The following USP46 variants were observed in gnomAD, a reference collection of about 807,000 sequenced individuals.
The protein encoded by USP46 is ubiquitin carboxyl-terminal hydrolase 46.
Under a neutral mutation model 44.4 loss-of-function variants are expected in USP46, and 12 were observed. The observed-to-expected ratio is 0.27, with a 90% CI of 0.17 to 0.44. USP46 has a LOEUF of 0.44. Ranked by LOEUF, USP46 falls within the 20% of genes least tolerant of loss-of-function variation. The pLI, the probability that USP46 is intolerant of heterozygous loss-of-function variation, is 1.00. For missense variants in USP46, 248 were observed against 444.8 expected, an observed-to-expected ratio of 0.56 and a Z score of 3.98; for synonymous variants, 155 against 161.5, an observed-to-expected ratio of 0.96 and a Z score of 0.31.
chr4:52,625,143 T>G (rs1167340375), intron 4 of USP46, among the ~76,000 whole-genome samples: 1 of 152,134 alleles, frequency 6.6e-6, no homozygotes, highest in Admixed American at 6.5e-5. Flanking sequence ...CAGTAGTAGT[T>G]ATAATAAAAA....
intron 2 of USP46, among the ~76,000 whole-genome samples, chr4:52,628,725 A>G (rs978440896): frequency 2.0e-5 from 3 of 152,204 alleles, no homozygotes; most frequent in African/African-American, 7.2e-5. Flanking sequence ...CTTAACCCCG[A>G]GCAACACAGC....
In USP46 at chr4:52,598,636, T is replaced by C. The variant is rs1225603244; in HGVS notation, c.991A>G (p.Ile331Val). ...HGFWLLFDDD[I>V]VEKIDAQAIE... ...ATAATCTGCAAACCAACCTCTACAA[T>C]GTCATCATCAAACAAAAGCCAGAAG... The change falls in exon 8 of 9, where the codon ATT (isoleucine) becomes GTT (valine). Residue 331 changes from isoleucine to valine, a missense_variant. By Grantham distance (29) the Ile-to-Val change is conservative. Coordinates refer to ENST00000441222, the MANE Select transcript of USP46 (RefSeq NM_022832.4). 1 of 1,609,678 alleles carries C rather than the reference T, an allele frequency of 6.2e-7. No homozygotes were observed. Among genetic ancestry groups the C allele is most frequent in the Non-Finnish European group, 8.5e-7 (1 of 1,178,226 alleles).
intron 1 of USP46, among the ~76,000 whole-genome samples, chr4:52,649,612 C>G (rs1230912365): frequency 2.0e-5 from 3 of 152,214 alleles, no homozygotes; most frequent in Non-Finnish European, 4.4e-5. Context: ...ATTGACATTT[C>G]AACTAGACCT....
intron 1 of USP46, chr4:52,658,423 A>G: frequency 2.8e-6 from 1 of 361,572 alleles, no homozygotes; most frequent in South Asian, 2.0e-5. Flanking sequence ...CGGATCAGGC[A>G]GGATAACCCT....
chr4:52,644,753 A>C (rs1718478532), intron 1 of USP46, among the ~76,000 whole-genome samples: 4 of 151,640 alleles, frequency 2.6e-5, no homozygotes, highest in African/African-American at 7.3e-5. Flanking sequence ...AAAAAAAAAA[A>C]AAAAACCTCT....
chr4:52,640,882 T>C (rs540234768), intron 1 of USP46, among the ~76,000 whole-genome samples: 125 of 150,474 alleles, frequency 8.3e-4, no homozygotes, highest in African/African-American at 2.9e-3. Flanking sequence ...GCAAACCAGT[T>C]GCCTAAGGCC....
chr4:52,655,670 C>T lies in USP46; in HGVS notation c.36+3445G>A, dbSNP rs550596382. On this transcript the variant is annotated intron_variant, in intron 1 of 8. Coordinates refer to ENST00000441222, the MANE Select transcript of USP46 (RefSeq NM_022832.4). ...TATCAACAGAAGACATTTCCTCATG[C>T]TTGGTAGCAGCTAGTGCATTATGAA... Among the ~76,000 whole-genome samples, 34 of 152,330 alleles carry T rather than the reference C, an allele frequency of 2.2e-4. No homozygotes were observed. The South Asian group carries it at 2.7e-3, about 12-fold the overall frequency.
At position 52,597,668 on chromosome 4, in the gene USP46, T is replaced by C; in HGVS notation, c.1073A>G (p.Tyr358Cys). The change falls in exon 9 of 9, where the codon TAT becomes TGT. Residue 358 changes from tyrosine to cysteine, a missense_variant. Physicochemically the swap from Tyr to Cys is radical, Grantham distance 194. Transcript: ENST00000441222. ...CTCTCTTGACTGATAGAATAAAATA[T>C]ATCCAGATTCTGAATTTTTTGATAT... The part of the protein sequence containing the change: ...SDISKNSESG[Y>C]ILFYQSRE 1 of 1,596,414 alleles carries C rather than the reference T, an allele frequency of 6.3e-7. No individual in the cohort carries two copies. Among genetic ancestry groups the C allele is most frequent in the Non-Finnish European group, 8.5e-7 (1 of 1,170,390 alleles).
Position 52,631,159 on chromosome 4 carries a change from T to C in USP46, c.37-15A>G. The C allele has an allele frequency of 1.3e-6, 2 of 1,546,246 alleles. No homozygotes were observed. Among genetic ancestry groups the C allele is most frequent in the Non-Finnish European group, 1.7e-6 (2 of 1,143,286 alleles). On this transcript the variant is annotated splice_polypyrimidine_tract_variant and intron_variant, in intron 1 of 8. Transcript: ENST00000441222. ...GCATTGGTGCCCTAAAAGAGAAAAA[T>C]AGCAAAAGTTCTGTTGCATGTAAAA...
chr4:52,627,412 CAGA>C (rs376653639), intron 3 of USP46, among the ~76,000 whole-genome samples: 66 of 152,224 alleles, frequency 4.3e-4, no homozygotes, highest in East Asian at 2.1e-3. Flanking sequence ...ACCAATCCCC[CAGA>C]AGAAGAAGAT....
intron 2 of USP46, 108 bp from the exon 3 acceptor site, chr4:52,628,271 T>C: frequency 9.3e-7 from 1 of 1,073,472 alleles, no homozygotes; most frequent in Non-Finnish European, 1.3e-6. Flanking sequence ...GGCCTGGATG[T>C]CCCTGTATTG....
At chr4:52,621,680 C>G (rs1717381517) in intron 4 of USP46, among the ~76,000 whole-genome samples, 1 of 151,750 alleles carries the variant, frequency 6.6e-6, no homozygotes, top group Non-Finnish European at 1.5e-5. Context: ...AAAAAAACCT[C>G]TACTAATGTA....
chr4:52,612,413 CTT>C (rs1170333000), intron 4 of USP46, among the ~76,000 whole-genome samples: 1 of 152,218 alleles, frequency 6.6e-6, no homozygotes, highest in African/African-American at 2.4e-5. Flanking sequence ...TGTCATATGG[CTT>C]CACAGATACT....
At chr4:52,654,337 A>G (rs1331046360) in intron 1 of USP46, among the ~76,000 whole-genome samples, 1 of 152,204 alleles carries the variant, frequency 6.6e-6, no homozygotes, top group Admixed American at 6.5e-5. Flanking sequence ...ACAGAGGAAA[A>G]GGCAAGATAT....
chr4:52,637,927 G>T (rs972782572), intron 1 of USP46, among the ~76,000 whole-genome samples: 3 of 151,906 alleles, frequency 2.0e-5, no homozygotes, highest in Non-Finnish European at 4.4e-5. Context: ...TTCTTCAGAC[G>T]CCTGTGTCCC....
intron 1 of USP46, among the ~76,000 whole-genome samples, chr4:52,647,268 A>G (rs1268531782): frequency 6.6e-6 from 1 of 152,214 alleles, no homozygotes; most frequent in Non-Finnish European, 1.5e-5. Flanking sequence ...AAACTAAGAG[A>G]GAAATATAAA....
At chr4:52,632,972 G>GA (rs1289395281) in intron 1 of USP46, among the ~76,000 whole-genome samples, 215 of 73,734 alleles carry the variant, frequency 2.9e-3, no homozygotes, top group African/African-American at 0.013. Flanking sequence ...AAGAAAGAAA[G>GA]AAAGAAAGAA....
chr4:52,601,973 G>A lies in USP46; in HGVS notation c.804C>T (p.Thr268=). 1.2e-6 allele frequency: 2 copies of A among 1,614,002 alleles called. No homozygotes were observed. Among genetic ancestry groups the A allele is most frequent in the Non-Finnish European group, 1.7e-6 (2 of 1,179,876 alleles). Residue 268 remains threonine, a synonymous_variant, in exon 7 of 9, where the codon ACC becomes ACT. Transcript: ENST00000441222. ...FKYMEQLHRY[T]KLSYRVVFPL... ...GGAAGACCACACGGTAAGACAGCTT[G>A]GTGTATCTGTGCAGCTGCTCCATGT...
chr4:52,609,413 A>G (rs1375529393), intron 5 of USP46, among the ~76,000 whole-genome samples: 1 of 152,174 alleles, frequency 6.6e-6, no homozygotes, highest in Non-Finnish European at 1.5e-5. Context: ...CAAAAATGCA[A>G]TCCACATTAA....
Sources: allele counts gnomAD v4.1 joint callset (sites outside exome capture counted in the v4.1 genomes callset), GRCh38; gene constraint gnomAD v4.1.1; transcripts MANE v1.5; gene names NCBI Gene and HGNC (gene_info 2026-07-23, HGNC 2026-07-21).